METTL2A: variants seen among roughly 807,000 people sequenced by gnomAD.
METTL2A encodes the protein methyltransferase 2A, tRNA N3-cytidine.
Under a neutral mutation model 49.4 loss-of-function variants are expected in METTL2A, and 45 were observed. The observed-to-expected ratio is 0.91, with a 90% CI of 0.72 to 1.17. The LOEUF (loss-of-function observed/expected upper bound fraction) is 1.17. Ranked by LOEUF, METTL2A falls within the 50% of genes most tolerant of loss-of-function variation. The pLI, the probability that METTL2A is intolerant of heterozygous loss-of-function variation, is 0.00. For missense variants in METTL2A, 361 were observed against 462.2 expected (o/e 0.78, Z 2.01); for synonymous variants, 118 against 167.5 (o/e 0.70, Z 2.28).
rs575540268 is a variant in METTL2A, at chr17:62,451,959, G to A, written c.*3230G>A. ...CCTGTAATCCCAGCTATTTGGGAGGGTGGCTCTAGAGAATCATTTGAACCT... is the reference window on the plus strand; with the variant it reads ...CCTGTAATCCCAGCTATTTGGGAGGATGGCTCTAGAGAATCATTTGAACCT... On this transcript the variant is annotated 3_prime_UTR_variant, in exon 9 of 9. Transcript: ENST00000311506. Among the ~76,000 whole-genome samples, 36 of 150,158 alleles carry A rather than the reference G, an allele frequency of 2.4e-4. No individual in the cohort carries two copies. Among genetic ancestry groups the A allele is most frequent in the African/African-American group, 7.9e-4 (32 of 40,760 alleles).
chr17:62,433,160 G>A (rs1164446044), intron 4 of METTL2A, among the ~76,000 whole-genome samples: 6 of 152,050 alleles, frequency 3.9e-5, no homozygotes, highest in Admixed American at 6.6e-5. Context: ...CAGGCCAGGC[G>A]TGGTGGCTCA....
At chr17:62,424,087 C>G in intron 1 of METTL2A, 75 bp downstream of exon 1, 1 of 1,585,234 alleles carries the variant, frequency 6.3e-7, no homozygotes, top group Non-Finnish European at 8.6e-7. Context: ...CGAAAAGCCC[C>G]TGACCGCCGG....
intron 4 of METTL2A, among the ~76,000 whole-genome samples, chr17:62,431,252 CG>C (rs908847324): frequency 1.3e-5 from 2 of 152,138 alleles, no homozygotes; most frequent in Non-Finnish European, 2.9e-5. Context: ...CCACCCACGT[CG>C]GCCTCCCAAA....
In METTL2A at chr17:62,448,903, G is replaced by C; in HGVS notation, c.*174G>C. The C allele has an allele frequency of 1.3e-6, 1 of 773,904 alleles. No homozygotes were observed. Among genetic ancestry groups the C allele is most frequent in the South Asian group, 3.4e-5 (1 of 29,578 alleles). The allele number at this position is 773,904 out of a possible 1,614,324, so 47.9% of individuals were successfully genotyped here. A position where few individuals can be genotyped will look rare whatever the true frequency, so the allele number is the denominator to read the frequency against. ...CCTGGGCAAAATAGTGAGAGACCCT[G>C]TATCTGAAAGTAATAATAAAAATAA... On this transcript the variant is annotated 3_prime_UTR_variant, in exon 9 of 9. Coordinates refer to ENST00000311506, the MANE Select transcript of METTL2A (RefSeq NM_181725.4).
At chr17:62,440,544 TA>T (rs1463927427) in intron 5 of METTL2A, 72 bp from the exon 6 acceptor site, 1 of 1,520,712 alleles carries the variant, frequency 6.6e-7, no homozygotes, top group Non-Finnish European at 8.8e-7. Context: ...ATTTAAAATT[TA>T]AAACAAGATA....
rs188795174 is a variant in METTL2A at position 62,443,962 on chromosome 17, A to G, written c.810-875A>G. Among the ~76,000 whole-genome samples, 74 of 152,310 alleles carry G rather than the reference A, an allele frequency of 4.9e-4. 1 individual carries two copies. Among genetic ancestry groups the G allele is most frequent in the African/African-American group, 1.7e-3 (69 of 41,562 alleles). On this transcript the variant is annotated intron_variant, in intron 6 of 8. Coordinates refer to ENST00000311506, the MANE Select transcript of METTL2A (RefSeq NM_181725.4). ...GCATTTAGACTTCTGAAGTTATGAA[A>G]GCTTCAACCTGCACCAAGACTTTTG... is the stretch of plus-strand genomic sequence containing the variant.
chr17:62,427,869 A>G, intron 4 of METTL2A, 32 bp downstream of exon 4: 1 of 1,582,158 alleles, frequency 6.3e-7, no homozygotes, highest in Non-Finnish European at 8.6e-7. Context: ...ATGATAGCAA[A>G]GAAGATAAAA....
intron 2 of METTL2A, among the ~76,000 whole-genome samples, chr17:62,425,474 C>T (rs2070617905): frequency 6.8e-6 from 1 of 147,612 alleles, no homozygotes; most frequent in South Asian, 2.2e-4. Flanking sequence ...GCAATCTCCT[C>T]CTCCCTGGTT....
At chr17:62,442,306 C>T (rs1464546648) in intron 6 of METTL2A, among the ~76,000 whole-genome samples, 1 of 151,498 alleles carries the variant, frequency 6.6e-6, no homozygotes, top group Non-Finnish European at 1.5e-5. Context: ...GATGGAGTCT[C>T]ACTCTGTTGC....
At chr17:62,447,573 T>C in intron 7 of METTL2A, 128 bp from the exon 8 acceptor site, 1 of 929,984 alleles carries the variant, frequency 1.1e-6, no homozygotes, top group Non-Finnish European at 1.7e-6. Context: ...GTTGAGCTGC[T>C]CTTCCCGAAG....
At chr17:62,424,676 T>C (rs879248227) in intron 2 of METTL2A, among the ~76,000 whole-genome samples, 13 of 152,122 alleles carry the variant, frequency 8.5e-5, no homozygotes, top group African/African-American at 1.9e-4. Context: ...ATGTTTTCCA[T>C]TGAAGCTTCA....
intron 4 of METTL2A, among the ~76,000 whole-genome samples, chr17:62,434,069 G>A (rs1481435446): frequency 6.6e-6 from 1 of 152,100 alleles, no homozygotes; most frequent in Non-Finnish European, 1.5e-5. Flanking sequence ...ATGGGTACTC[G>A]GCAGATGCAG....
chr17:62,431,509 A>G (rs545851831), intron 4 of METTL2A, among the ~76,000 whole-genome samples: 1 of 150,890 alleles, frequency 6.6e-6, no homozygotes, highest in East Asian at 2.0e-4. Flanking sequence ...GTGTGCCACC[A>G]CCCCTGCTAA....
intron 4 of METTL2A, chr17:62,434,947 T>C: frequency 7.2e-6 from 3 of 417,516 alleles, no homozygotes; most frequent in Non-Finnish European, 1.3e-5. Flanking sequence ...AAGGCTTCAT[T>C]TGAGGGAAAA....
chr17:62,452,042 A>G lies in METTL2A; in HGVS notation c.*3313A>G, dbSNP rs890468398. 1.3e-5 allele frequency among the ~76,000 whole-genome samples: 2 copies of G among 152,216 alleles called. No homozygotes were observed. Among genetic ancestry groups the G allele is most frequent in the African/African-American group, 4.8e-5 (2 of 41,464 alleles). ...GCCATTGCACTCCAGCCTGGGCAAC[A>G]GTGAGACTCCGTCTCAAAATAAAAA... On this transcript the variant is annotated 3_prime_UTR_variant, in exon 9 of 9. Transcript: ENST00000311506.
chr17:62,429,653 A>G (rs1233095915), intron 4 of METTL2A, among the ~76,000 whole-genome samples: 2 of 151,558 alleles, frequency 1.3e-5, no homozygotes, highest in Non-Finnish European at 2.9e-5. Context: ...CCAACACCAG[A>G]TATATTTATT....
intron 4 of METTL2A, among the ~76,000 whole-genome samples, chr17:62,433,154 C>G (rs2070677663): frequency 6.6e-6 from 1 of 152,104 alleles, no homozygotes; most frequent in Non-Finnish European, 1.5e-5. Context: ...AAAGCACAGG[C>G]CAGGCGTGGT....
chr17:62,438,599 C>T (rs2070717306), intron 5 of METTL2A, among the ~76,000 whole-genome samples: 1 of 150,436 alleles, frequency 6.6e-6, no homozygotes, highest in Admixed American at 6.7e-5. Context: ...AAAAAAGAGT[C>T]TGTCACAATT....
chr17:62,443,912 T>C (rs2070752487), intron 6 of METTL2A, among the ~76,000 whole-genome samples: 1 of 152,162 alleles, frequency 6.6e-6, no homozygotes, highest in Admixed American at 6.6e-5. Context: ...AAATAGACTT[T>C]GAAATTTTTT....
Sources: allele counts gnomAD v4.1 joint callset (sites outside exome capture counted in the v4.1 genomes callset), GRCh38; gene constraint gnomAD v4.1.1; transcripts MANE v1.5; gene names NCBI Gene and HGNC (gene_info 2026-07-23, HGNC 2026-07-21).